Variants in PSMA8 observed in about 807,000 individuals in gnomAD.
The protein encoded by PSMA8 is proteasome subunit alpha-type 8.
PSMA8 carries 18 observed loss-of-function variants against 32.4 expected under a neutral mutation model. The ratio of observed to expected loss-of-function variants is 0.56; its 90% CI spans 0.38 to 0.82. The LOEUF (loss-of-function observed/expected upper bound fraction) is 0.82. Ranked by LOEUF, PSMA8 falls within the 40% of genes least tolerant of loss-of-function variation. The pLI, the probability that PSMA8 is intolerant of heterozygous loss-of-function variation, is 0.00. For missense variants in PSMA8, 298 were observed against 300.7 expected, an observed-to-expected ratio of 0.99 and a Z score of 0.07; for synonymous variants, 104 against 98.1, an observed-to-expected ratio of 1.06 and a Z score of -0.36.
At chr18:26,171,419 T>A (rs1275006461) in intron 4 of PSMA8, 1 of 1,014,464 alleles carries the variant, frequency 9.9e-7, no homozygotes, top group East Asian at 2.8e-5. Flanking sequence ...TATTTTTAAA[T>A]GAATTAAATT....
chr18:26,142,037 A>ATTTTTT (rs71169819), intron 1 of PSMA8, among the ~76,000 whole-genome samples: 4 of 117,598 alleles, frequency 3.4e-5, no homozygotes, highest in African/African-American at 1.4e-4. Context: ...AATAATGCTA[A>ATTTTTT]TTTTTTTTTT....
At chr18:26,173,167 T>C (rs1324239374) in intron 4 of PSMA8, among the ~76,000 whole-genome samples, 1 of 152,216 alleles carries the variant, frequency 6.6e-6, no homozygotes, top group African/African-American at 2.4e-5. Flanking sequence ...TCTAACCTTA[T>C]CTGGCCCCCA....
chr18:26,133,906 C>T lies in PSMA8; in HGVS notation c.-60C>T. On this transcript the variant is annotated 5_prime_UTR_variant, in exon 1 of 7. Coordinates refer to ENST00000415576, the MANE Select transcript of PSMA8 (RefSeq NM_001025096.2). ...TAGCACGCTGTGTTGGCGGCGGCTCCCCGCTTGCCTCAGCTGCAGCAGCGG... is the reference window on the plus strand; with the variant it reads ...TAGCACGCTGTGTTGGCGGCGGCTCTCCGCTTGCCTCAGCTGCAGCAGCGG... 1 of 1,462,084 alleles carries T rather than the reference C, an allele frequency of 6.8e-7. No homozygotes were observed. The highest frequency in any genetic ancestry group is 2.3e-5 in the East Asian group (1 of 43,660). 90.6% of individuals were successfully genotyped at this position (1,462,084 alleles called of 1,614,324 possible).
chr18:26,139,942 CT>C, intron 1 of PSMA8: 1 of 645,204 alleles, frequency 1.5e-6, no homozygotes, highest in Non-Finnish European at 2.8e-6. Context: ...GCTTGTTTAT[CT>C]CTGTACTCTT....
Position 26,134,146 on chromosome 18 carries a change from T to C in PSMA8, c.102+79T>C. ...GTTACCCTGCTGCCCCAGCCCACCT[T>C]TCCATCCTAGGAGCTCAAGAGAGGA... is the stretch of plus-strand genomic sequence containing the variant. On this transcript the variant is annotated intron_variant, in intron 1 of 6. Coordinates refer to ENST00000415576, the MANE Select transcript of PSMA8 (RefSeq NM_001025096.2). 4 of 1,010,530 alleles carry C rather than the reference T, an allele frequency of 4.0e-6. 1 individual carries two copies. The highest frequency in any genetic ancestry group is 2.7e-5 in the South Asian group (2 of 74,934). 62.6% of individuals were successfully genotyped at this position (1,010,530 alleles called of 1,614,324 possible).
chr18:26,188,655 A>G (rs931734958), intron 6 of PSMA8, among the ~76,000 whole-genome samples: 4 of 152,152 alleles, frequency 2.6e-5, no homozygotes, highest in African/African-American at 7.2e-5. Flanking sequence ...ACATAGATTA[A>G]TTAAACAAAA....
intron 4 of PSMA8, among the ~76,000 whole-genome samples, chr18:26,177,284 AG>A (rs2055271625): frequency 6.6e-6 from 1 of 152,146 alleles, no homozygotes; most frequent in African/African-American, 2.4e-5. Flanking sequence ...GCTGGCATTT[AG>A]TTTGTGGAGG....
At chr18:26,163,210 T>C in intron 4 of PSMA8, among the ~76,000 whole-genome samples, 1 of 104,520 alleles carries the variant, frequency 9.6e-6, no homozygotes, top group East Asian at 2.4e-4. Context: ...TTTATGTGTG[T>C]GTGTATATAT....
At chr18:26,156,530 C>T (rs1402981110) in intron 3 of PSMA8, among the ~76,000 whole-genome samples, 11 of 151,852 alleles carry the variant, frequency 7.2e-5, no homozygotes, top group Admixed American at 7.2e-4. Flanking sequence ...GCCTGGAGGA[C>T]ATTGTGTTAT....
chr18:26,190,946 T>C (rs889063575), intron 6 of PSMA8, among the ~76,000 whole-genome samples: 1 of 152,190 alleles, frequency 6.6e-6, no homozygotes, highest in African/African-American at 2.4e-5. Flanking sequence ...GAACTCCTAG[T>C]AATTGCTTGA....
intron 4 of PSMA8, among the ~76,000 whole-genome samples, chr18:26,177,006 G>A (rs1443450213): frequency 6.6e-6 from 1 of 152,122 alleles, no homozygotes; most frequent in East Asian, 1.9e-4. Context: ...CCAGTGAAAG[G>A]ATAGACCTTT....
At position 26,163,203 on chromosome 18, in the gene PSMA8, A is replaced by ATGTGTG. The variant is rs200054756; in HGVS notation, c.477+4965_477+4970dup. 8.0e-4 allele frequency among the ~76,000 whole-genome samples: 90 copies of ATGTGTG among 112,506 alleles called. 2 individuals carry two copies. The highest frequency in any genetic ancestry group is 3.5e-3 in the African/African-American group (86 of 24,266). 73.8% of individuals were successfully genotyped at this position (112,506 alleles called of 152,430 possible). A position where few individuals can be genotyped will look rare whatever the true frequency, so the allele number is the denominator to read the frequency against. On this transcript the variant is annotated intron_variant, in intron 4 of 6. Transcript: ENST00000415576. ...ACAATATAAAAGGTGGTGTGTGTTT[A>ATGTGTG]TGTGTGTGTGTATATATATATATAT...
intron 1 of PSMA8, among the ~76,000 whole-genome samples, chr18:26,139,466 A>G (rs2054937249): frequency 2.0e-5 from 3 of 152,218 alleles, no homozygotes; most frequent in Admixed American, 2.0e-4. Flanking sequence ...GGAATTAGCT[A>G]AACTGTGTCC....
chr18:26,144,611 T>C lies in PSMA8; in HGVS notation c.155T>C (p.Val52Ala). Residue 52 changes from valine to alanine, a missense_variant, in exon 2 of 7, where the codon GTT (valine) becomes GCT (alanine). By Grantham distance (64) the Val-to-Ala change is moderately conservative. Transcript: ENST00000415576. ...IVVLGVEKKS[V>A]AKLQDERTVR... ...GTTCTTGGGGTAGAAAAAAAATCTG[T>C]TGCCAAGCTTCAAGATGAAAGAACT... 1 of 1,613,896 alleles carries C rather than the reference T, an allele frequency of 6.2e-7. No individual in the cohort carries two copies. The highest frequency in any genetic ancestry group is 1.3e-5 in the African/African-American group (1 of 75,044).
intron 1 of PSMA8, among the ~76,000 whole-genome samples, chr18:26,134,340 G>GTGTGTGTGTGTGTGT (rs2054891597): frequency 2.0e-4 from 27 of 135,200 alleles, no homozygotes; most frequent in African/African-American, 8.3e-4. Context: ...TGTGTGTGTG[G>GTGTGTGTGTGTGTGT]GTGTGTGTGT....
At chr18:26,181,159 A>G (rs2055307881) in intron 6 of PSMA8, among the ~76,000 whole-genome samples, 1 of 152,016 alleles carries the variant, frequency 6.6e-6, no homozygotes, top group South Asian at 2.1e-4. Flanking sequence ...ATTTTTGATA[A>G]CTCTCAGAAT....
chr18:26,164,290 T>C (rs2055160870), intron 4 of PSMA8, among the ~76,000 whole-genome samples: 3 of 151,972 alleles, frequency 2.0e-5, no homozygotes, highest in South Asian at 2.1e-4. Flanking sequence ...TAAAAATAGA[T>C]AAATAATAAA....
intron 1 of PSMA8, among the ~76,000 whole-genome samples, chr18:26,143,157 A>G (rs185670017): frequency 3.9e-5 from 6 of 152,292 alleles, no homozygotes; most frequent in African/African-American, 1.4e-4. Flanking sequence ...TTCTTTTGTT[A>G]TAACATTGAT....
At chr18:26,157,383 C>T (rs1483065723) in intron 3 of PSMA8, among the ~76,000 whole-genome samples, 5 of 147,722 alleles carry the variant, frequency 3.4e-5, no homozygotes, top group Admixed American at 2.0e-4. Flanking sequence ...ATGGTGAAAC[C>T]CTGTCTCTTA....
Sources: gnomAD v4.1 joint callset for allele counts (sites outside exome capture counted in the v4.1 genomes callset) on GRCh38, gnomAD v4.1.1 for gene constraint, MANE v1.5 for transcripts, NCBI Gene and HGNC (gene_info 2026-07-23, HGNC 2026-07-21) for gene names.